HIPK2: variants seen among roughly 807,000 people sequenced by gnomAD.
HIPK2 encodes homeodomain interacting protein kinase 2, also known as homeodomain-interacting protein kinase 2.
Under a neutral mutation model 113.7 loss-of-function variants are expected in HIPK2, and 27 were observed. That is an observed-to-expected ratio of 0.24 (90% confidence interval 0.17 to 0.33). HIPK2 has a LOEUF of 0.33. Ranked by LOEUF, HIPK2 falls within the 10% of genes least tolerant of loss-of-function variation. The pLI is 1.00. For synonymous variants in HIPK2, 631 were observed against 642.2 expected, an observed-to-expected ratio of 0.98 and a Z score of 0.26; for missense variants, 1,257 against 1,588.0, an observed-to-expected ratio of 0.79 and a Z score of 3.54.
intron 1 of HIPK2, among the ~76,000 whole-genome samples, chr7:139,740,202 G>A (rs989510767): frequency 2.0e-5 from 3 of 152,222 alleles, no homozygotes; most frequent in Non-Finnish European, 2.9e-5. Context: ...CAGAGATGCT[G>A]CCCTTCTGTC....
chr7:139,642,460 G>A (rs1457716741), intron 2 of HIPK2, among the ~76,000 whole-genome samples: 2 of 152,218 alleles, frequency 1.3e-5, no homozygotes, highest in African/African-American at 2.4e-5. Context: ...AAAGCACCTC[G>A]GGGCAGCTGC....
chr7:139,596,086 T>G (rs1164135880), intron 12 of HIPK2, among the ~76,000 whole-genome samples: 1 of 152,136 alleles, frequency 6.6e-6, no homozygotes, highest in Non-Finnish European at 1.5e-5. Flanking sequence ...AAAAACCACA[T>G]TTTGCTGAAG....
intron 2 of HIPK2, among the ~76,000 whole-genome samples, chr7:139,655,942 C>T (rs1801652575): frequency 6.6e-6 from 1 of 152,160 alleles, no homozygotes; most frequent in Admixed American, 6.5e-5. Context: ...CACCACCAAG[C>T]TGCTTTTGGG....
chr7:139,736,535 C>T (rs549193228), intron 1 of HIPK2, among the ~76,000 whole-genome samples: 1 of 152,318 alleles, frequency 6.6e-6, no homozygotes, highest in African/African-American at 2.4e-5. Context: ...CTGCTCTGCC[C>T]TGATTCCCAG....
intron 2 of HIPK2, among the ~76,000 whole-genome samples, chr7:139,652,766 C>T (rs1019941006): frequency 2.6e-5 from 4 of 152,020 alleles, no homozygotes; most frequent in East Asian, 1.9e-4. Flanking sequence ...TAGGTACCAC[C>T]GACTTCAGAG....
Position 139,596,777 on chromosome 7 carries a change from CT to C in HIPK2, c.2656del (p.Ser886AlafsTer87), listed in dbSNP as rs753044021. ...VIPDTPSPTV[S>X]VITISSDTDE... The stretch of plus-strand genomic sequence containing the variant: ...CGTGTCACTGCTGATGGTGATGACG[CT>C]GACCGTGGGGCTGGGAGTGTCGGGA... On this transcript the variant is annotated frameshift_variant, in exon 12 of 15. Coordinates refer to ENST00000406875, the MANE Select transcript of HIPK2 (RefSeq NM_022740.5). LOFTEE classifies it high-confidence loss of function. 4 of 1,613,816 alleles carry C rather than the reference CT, an allele frequency of 2.5e-6. No homozygotes were observed. In the African/African-American group the frequency reaches 5.3e-5, roughly 22 times the overall value.
rs117422927 is a variant in HIPK2 at position 139,708,952 on chromosome 7, T to G, written c.1103+6980A>C. On this transcript the variant is annotated intron_variant, in intron 2 of 14. Transcript: ENST00000406875. ...TGTGTGTGTGAAGAGGGGACTGCAG[T>G]ACCAGGGCAGTATACACAGAGCATT... 9.4e-4 allele frequency among the ~76,000 whole-genome samples: 143 copies of G among 152,302 alleles called. No homozygotes were observed. The East Asian group carries it at 0.026, about 28-fold the overall frequency.
chr7:139,656,789 T>C (rs1012449654), intron 2 of HIPK2, among the ~76,000 whole-genome samples: 1 of 152,232 alleles, frequency 6.6e-6, no homozygotes. Context: ...TCGACACTTC[T>C]GTGCATGTTG....
At chr7:139,724,925 C>T (rs1795526185) in intron 1 of HIPK2, among the ~76,000 whole-genome samples, 1 of 151,978 alleles carries the variant, frequency 6.6e-6, no homozygotes, top group Non-Finnish European at 1.5e-5. Context: ...GGCACATATA[C>T]ACCATGGAAT....
intron 2 of HIPK2, among the ~76,000 whole-genome samples, chr7:139,678,558 A>G (rs549282494): frequency 6.6e-5 from 10 of 152,328 alleles, no homozygotes; most frequent in African/African-American, 2.4e-4. Flanking sequence ...TACCAGTACC[A>G]TGCTGTTTTG....
intron 4 of HIPK2, 114 bp from the exon 5 acceptor site, chr7:139,629,153 G>C (rs144111513): frequency 1.2e-6 from 1 of 808,234 alleles, no homozygotes. Context: ...TTTCGGAAGA[G>C]ATTTTGATTC....
In HIPK2 at chr7:139,567,100, C is replaced by T. The variant is rs562600289; in HGVS notation, c.*5827G>A. ...TTTTTGCATTTAAATCCTGTTTCAC[C>T]GCCTTCCATTCTCTAGTGGCCTGAG... On this transcript the variant is annotated 3_prime_UTR_variant, in exon 15 of 15. Coordinates refer to ENST00000406875, the MANE Select transcript of HIPK2 (RefSeq NM_022740.5). 2.4e-4 allele frequency: 36 copies of T among 152,282 alleles called. No homozygotes were observed. The highest frequency in any genetic ancestry group is 7.9e-4 in the African/African-American group (33 of 41,536). The allele number at this position is 152,282 out of a possible 1,614,324, so 9.4% of individuals were successfully genotyped here.
In HIPK2 at chr7:139,573,261, G is replaced by T; in HGVS notation, c.3263C>A (p.Ala1088Asp). ...GAGGTGGGCAGCGGCAGCGGCTGCA[G>T]CCAGATGCGGGTGCACAGTGCCGTG... ...PSHGTVHPHL[A>D]AAAAAAHLPT... The change falls in exon 15 of 15, where the codon GCT becomes GAT. Residue 1088 changes from alanine (A) to aspartate (D), a missense_variant. Physicochemically the swap from Ala to Asp is moderately radical, Grantham distance 126. Around this residue, in one of 5 missense-constraint regions of HIPK2, gnomAD observed 862 missense variants for 1,004.3 expected, o/e 0.86. Coordinates refer to ENST00000406875, the MANE Select transcript of HIPK2 (RefSeq NM_022740.5). The T allele has an allele frequency of 1.2e-6, 2 of 1,604,602 alleles. No individual in the cohort carries two copies. The highest frequency in any genetic ancestry group is 8.5e-7 in the Non-Finnish European group (1 of 1,179,714).
chr7:139,636,492 G>A (rs1585308513), intron 2 of HIPK2, among the ~76,000 whole-genome samples: 2 of 152,246 alleles, frequency 1.3e-5, no homozygotes, highest in South Asian at 2.1e-4. Flanking sequence ...CACTGGAGTA[G>A]GTGGGCCCTA....
In HIPK2 at chr7:139,575,277, G is replaced by A. The variant is rs899588486; in HGVS notation, c.2977C>T (p.His993Tyr). ...CDSLVPVNTS[H>Y]HSSSYKSKSS... Reference sequence around the variant, plus strand: ...TTGGACTTGTAGGAGGACGAGTGGTGACTGGTGTTGACTGTGGCGGGAGGA... The same window carrying A: ...TTGGACTTGTAGGAGGACGAGTGGTAACTGGTGTTGACTGTGGCGGGAGGA... Residue 993 changes from histidine (H) to tyrosine (Y), a missense_variant, in exon 14 of 15, where the codon CAC becomes TAC. This residue lies in a region of HIPK2 where 862 missense variants were observed against 1,004.3 expected (regional missense o/e 0.86). Transcript: ENST00000406875. 1.6e-5 allele frequency: 25 copies of A among 1,569,486 alleles called. No individual in the cohort carries two copies. Among genetic ancestry groups the A allele is most frequent in the Non-Finnish European group, 1.6e-5 (19 of 1,157,258 alleles).
intron 2 of HIPK2, among the ~76,000 whole-genome samples, chr7:139,655,670 C>G (rs1371209873): frequency 6.6e-6 from 1 of 152,112 alleles, no homozygotes; most frequent in Non-Finnish European, 1.5e-5. Context: ...GTCTACACAC[C>G]CCTCTTTCAT....
At chr7:139,648,922 C>T (rs1024953090) in intron 2 of HIPK2, among the ~76,000 whole-genome samples, 2 of 151,880 alleles carry the variant, frequency 1.3e-5, no homozygotes, top group Admixed American at 6.6e-5. Flanking sequence ...AGGCATTGGG[C>T]GGGTGGAGGG....
chr7:139,658,111 G>A (rs774683696), intron 2 of HIPK2, among the ~76,000 whole-genome samples: 1 of 152,230 alleles, frequency 6.6e-6, no homozygotes, highest in African/African-American at 2.4e-5. Flanking sequence ...TTCTAGACCA[G>A]CCTGAGCAAC....
At chr7:139,707,237 G>C (rs903970463) in intron 2 of HIPK2, among the ~76,000 whole-genome samples, 1 of 152,254 alleles carries the variant, frequency 6.6e-6, no homozygotes, top group Non-Finnish European at 1.5e-5. Flanking sequence ...CTTGCTCTTG[G>C]GGAAATTCGA....
Sources: gnomAD v4.1 joint callset for allele counts (sites outside exome capture counted in the v4.1 genomes callset) on GRCh38, gnomAD v4.1.1 for gene constraint, gnomAD v4.1.1 regional missense constraint, MANE v1.5 for transcripts, NCBI Gene and HGNC (gene_info 2026-07-23, HGNC 2026-07-21) for gene names.